FBXL17: variants seen among roughly 807,000 people sequenced by gnomAD.
The protein encoded by FBXL17 is F-box/LRR-repeat protein 17.
FBXL17 carries 22 observed loss-of-function variants against 66.2 expected under a neutral mutation model. The ratio of observed to expected loss-of-function variants is 0.33; its 90% CI spans 0.24 to 0.47. The LOEUF is 0.47. Among genes scored for constraint, FBXL17 ranks in the 20% least tolerant of loss-of-function variants. FBXL17 has a pLI of 1.00. For missense variants in FBXL17, 878 were observed against 948.2 expected (o/e 0.93, Z 0.97); for synonymous variants, 474 against 400.5 (o/e 1.18, Z -2.19).
Position 108,105,391 on chromosome 5 carries a change from A to C in FBXL17, c.1745+80726T>G, listed in dbSNP as rs969102333. ...TTTGGCTTCAAAAGGTGATTCAGGC[A>C]AAACTGCGGCAGAAAAGTCTGGCTG... On this transcript the variant is annotated intron_variant, in intron 6 of 8. Coordinates refer to ENST00000542267, the MANE Select transcript of FBXL17 (RefSeq NM_001163315.3). Among the ~76,000 whole-genome samples, 4 of 152,354 alleles carry C rather than the reference A, an allele frequency of 2.6e-5. No homozygotes were observed. The East Asian group carries it at 5.8e-4, about 22-fold the overall frequency.
rs115539932 is a variant in FBXL17, at chr5:108,259,627, A to T, written c.1507-35399T>A. On this transcript the variant is annotated intron_variant, in intron 4 of 8. Transcript: ENST00000542267. ...AAAAATGTTGCTTGAAAAAAATTCG[A>T]GAACTTCTAAAGAAGTCCAAGACAT... Among the ~76,000 whole-genome samples the T allele has an allele frequency of 4.8e-3, 735 of 152,318 alleles. 2 individuals are homozygous for T. Among genetic ancestry groups the T allele is most frequent in the Non-Finnish European group, 7.8e-3 (530 of 68,032 alleles).
chr5:108,211,600 G>C (rs2150061479), intron 5 of FBXL17, among the ~76,000 whole-genome samples: 2 of 152,290 alleles, frequency 1.3e-5, no homozygotes, highest in South Asian at 4.1e-4. Flanking sequence ...AGTTTGGCTG[G>C]ATATGAAATT....
chr5:108,361,854 G>T (rs1748357480), intron 3 of FBXL17, among the ~76,000 whole-genome samples: 1 of 152,070 alleles, frequency 6.6e-6, no homozygotes, highest in Non-Finnish European at 1.5e-5. Context: ...TGCAAATAAG[G>T]TCTGCTCTGT....
At chr5:108,189,460 T>C (rs904409556) in intron 5 of FBXL17, among the ~76,000 whole-genome samples, 1 of 152,108 alleles carries the variant, frequency 6.6e-6, no homozygotes, top group Admixed American at 6.6e-5. Context: ...AAAGCAGCTA[T>C]GCAGAGCAAA....
chr5:108,005,804 C>A (rs1440448614), intron 7 of FBXL17, among the ~76,000 whole-genome samples: 2 of 152,192 alleles, frequency 1.3e-5, no homozygotes, highest in African/African-American at 4.8e-5. Context: ...AGAAGCTATG[C>A]CTGTTGACTG....
chr5:108,370,718 G>A (rs376625887), intron 1 of FBXL17, among the ~76,000 whole-genome samples: 13 of 150,812 alleles, frequency 8.6e-5, no homozygotes, highest in South Asian at 4.2e-4. Context: ...ACTCCAGCCC[G>A]TGCAACAGAG....
At chr5:108,272,107 G>A (rs375773420) in intron 4 of FBXL17, among the ~76,000 whole-genome samples, 2 of 151,962 alleles carry the variant, frequency 1.3e-5, no homozygotes, top group East Asian at 3.9e-4. Context: ...TGGCTAACAC[G>A]GTGAAACCCC....
intron 5 of FBXL17, 91 bp from the exon 6 acceptor site, chr5:108,186,338 TC>T: frequency 9.4e-7 from 1 of 1,066,616 alleles, no homozygotes; most frequent in South Asian, 1.5e-5. Context: ...AGGTAGAGTA[TC>T]ACTGTAAAAT....
chr5:108,254,014 T>C (rs1041928439), intron 4 of FBXL17, among the ~76,000 whole-genome samples: 11 of 152,084 alleles, frequency 7.2e-5, no homozygotes, highest in Non-Finnish European at 1.6e-4. Context: ...GGTATCCACA[T>C]ACAAGTTATA....
intron 4 of FBXL17, 40 bp downstream of exon 4, chr5:108,348,359 G>T (rs1747414238): frequency 6.7e-7 from 1 of 1,483,894 alleles, no homozygotes; most frequent in Non-Finnish European, 9.1e-7. Flanking sequence ...CGAAGGTTAG[G>T]AACAAAATGA....
Position 108,380,831 on chromosome 5 carries a change from C to T in FBXL17, c.861G>A (p.Leu287=), listed in dbSNP as rs1265739910. The change falls in exon 1 of 9, where the codon TTG becomes TTA. Residue 287 remains leucine (L), a synonymous_variant. Transcript: ENST00000542267. ...DAVRAGGTAP[L]SAQQQHECGD... is the part of the protein sequence containing the mutation. ...CACATTCATGCTGCTGCTGGGCGGA[C>T]AAGGGGGCGGTGCCCCCGGCTCGGA... The T allele has an allele frequency of 6.4e-6, 8 of 1,247,610 alleles. No individual in the cohort carries two copies. The highest frequency in any genetic ancestry group is 1.6e-5 in the African/African-American group (1 of 64,450). 77.3% of individuals were successfully genotyped at this position (1,247,610 alleles called of 1,614,324 possible).
chr5:107,867,492 C>A (rs1016571814), intron 8 of FBXL17, among the ~76,000 whole-genome samples: 1 of 152,226 alleles, frequency 6.6e-6, no homozygotes, highest in African/African-American at 2.4e-5. Context: ...CTTGGCAAAA[C>A]CCCACACAGT....
chr5:108,182,524 A>C (rs529064142), intron 6 of FBXL17, among the ~76,000 whole-genome samples: 3 of 152,332 alleles, frequency 2.0e-5, no homozygotes, highest in South Asian at 4.1e-4. Flanking sequence ...ATTAAAACCT[A>C]AAAGAGCTTG....
chr5:108,020,261 A>G (rs1012489786), intron 7 of FBXL17, among the ~76,000 whole-genome samples: 2 of 152,028 alleles, frequency 1.3e-5, no homozygotes, highest in African/African-American at 2.4e-5. Context: ...GATTAAATAC[A>G]CAAATGGTTA....
intron 4 of FBXL17, among the ~76,000 whole-genome samples, chr5:108,246,319 A>G (rs936299539): frequency 1.3e-5 from 2 of 152,162 alleles, no homozygotes; most frequent in Non-Finnish European, 2.9e-5. Flanking sequence ...TGGGCAAAAT[A>G]GTGAAACCCT....
At chr5:108,152,208 AT>A (rs1751799163) in intron 6 of FBXL17, among the ~76,000 whole-genome samples, 1 of 152,232 alleles carries the variant, frequency 6.6e-6, no homozygotes, top group Non-Finnish European at 1.5e-5. Flanking sequence ...TTAGTACAAT[AT>A]TTTTTAAGAT....
chr5:108,347,794 T>A (rs1357847846), intron 4 of FBXL17, among the ~76,000 whole-genome samples: 1 of 152,162 alleles, frequency 6.6e-6, no homozygotes, highest in African/African-American at 2.4e-5. Context: ...TAAAAACCGA[T>A]GAGTTGTACA....
At chr5:108,141,481 G>A (rs553338019) in intron 6 of FBXL17, among the ~76,000 whole-genome samples, 1 of 152,124 alleles carries the variant, frequency 6.6e-6, no homozygotes, top group African/African-American at 2.4e-5. Context: ...TGTAACCCCA[G>A]AGTCTCAAAC....
intron 6 of FBXL17, among the ~76,000 whole-genome samples, chr5:108,089,024 A>G (rs947956086): frequency 6.6e-6 from 1 of 152,210 alleles, no homozygotes; most frequent in Non-Finnish European, 1.5e-5. Flanking sequence ...AAGAAAAACC[A>G]AAACCAAATA....
Sources: allele counts gnomAD v4.1 joint callset (sites outside exome capture counted in the v4.1 genomes callset), GRCh38; gene constraint gnomAD v4.1.1; transcripts MANE v1.5; gene names NCBI Gene and HGNC (gene_info 2026-07-23, HGNC 2026-07-21).